Variants in PJA2 observed in about 807,000 individuals in gnomAD.
PJA2 encodes the protein E3 ubiquitin-protein ligase Praja-2.
PJA2 carries 25 observed loss-of-function variants against 69.3 expected under a neutral mutation model. The ratio of observed to expected loss-of-function variants is 0.36; its 90% confidence interval spans 0.26 to 0.50. The LOEUF is 0.50. Among genes scored for constraint, PJA2 ranks in the 20% least tolerant of loss-of-function variants. PJA2 has a pLI of 0.96. For synonymous variants in PJA2, 308 were observed against 277.8 expected (o/e 1.11, Z -1.08); for missense variants, 809 against 830.2 (o/e 0.97, Z 0.31).
chr5:109,362,411 T>G (rs975088533), intron 6 of PJA2, among the ~76,000 whole-genome samples: 4 of 55,202 alleles, frequency 7.2e-5, no homozygotes, highest in African/African-American at 1.6e-4. Flanking sequence ...TTCCATATTT[T>G]ACATAGAGAA....
At chr5:109,406,753 TA>T (rs2127021271) in intron 1 of PJA2, among the ~76,000 whole-genome samples, 1 of 152,354 alleles carries the variant, frequency 6.6e-6, no homozygotes, top group East Asian at 1.9e-4. Context: ...AAATGAAGGC[TA>T]TTTATTAATA....
chr5:109,391,602 A>G (rs1031679371), intron 1 of PJA2, among the ~76,000 whole-genome samples: 1 of 152,070 alleles, frequency 6.6e-6, no homozygotes, highest in Admixed American at 6.6e-5. Context: ...TCAAACACCT[A>G]CCAAGTGAGT....
At chr5:109,353,822 TATG>T (rs1163127621) in intron 7 of PJA2, among the ~76,000 whole-genome samples, 15 of 119,974 alleles carry the variant, frequency 1.3e-4, no homozygotes, top group African/African-American at 2.4e-4. Context: ...ATTAGATGTC[TATG>T]ATATCTAGAG....
chr5:109,353,850 G>A (rs1762334238), intron 7 of PJA2, among the ~76,000 whole-genome samples: 1 of 56,902 alleles, frequency 1.8e-5, no homozygotes, highest in African/African-American at 6.2e-5. Flanking sequence ...CTATAGATTA[G>A]ATGTCTATGA....
At chr5:109,397,240 TCTTTATAAATTA>T (rs1242207742) in intron 1 of PJA2, among the ~76,000 whole-genome samples, 1 of 152,226 alleles carries the variant, frequency 6.6e-6, no homozygotes, top group Non-Finnish European at 1.5e-5. Context: ...AAATTTATTT[TCTTTATAAATTA>T]CCCAGTCTTA....
At chr5:109,382,988 AAAT>A (rs1456449225) in intron 2 of PJA2, among the ~76,000 whole-genome samples, 2 of 152,242 alleles carry the variant, frequency 1.3e-5, no homozygotes, top group African/African-American at 4.8e-5. Flanking sequence ...TATCGAGTAT[AAAT>A]AATATCAAGT....
chr5:109,381,715 G>A lies in PJA2; in HGVS notation c.32-12C>T. ...TTCTTGGTCCATTGCTGAAAAAAAAGTTAAAAAATTAAAACAGGAACAGCA... is the reference window on the plus strand; with the variant it reads ...TTCTTGGTCCATTGCTGAAAAAAAAATTAAAAAATTAAAACAGGAACAGCA... On this transcript the variant is annotated splice_polypyrimidine_tract_variant and intron_variant, in intron 2 of 9. Coordinates refer to ENST00000361189, the MANE Select transcript of PJA2 (RefSeq NM_014819.5). 6.2e-7 allele frequency: 1 copy of A among 1,611,142 alleles called. No individual in the cohort carries two copies. Among genetic ancestry groups the A allele is most frequent in the South Asian group, 1.1e-5 (1 of 90,890 alleles).
chr5:109,395,419 A>T (rs1747384681), intron 1 of PJA2, among the ~76,000 whole-genome samples: 1 of 152,002 alleles, frequency 6.6e-6, no homozygotes, highest in East Asian at 1.9e-4. Context: ...TCCCAGCTAC[A>T]TGCGAGGCTG....
chr5:109,355,912 T>C lies in PJA2; in HGVS notation c.1764+3A>G, dbSNP rs1027134444. The C allele has an allele frequency of 6.2e-6, 10 of 1,601,926 alleles. No individual in the cohort carries two copies. The African/African-American group carries it at 1.2e-4, about 19-fold the overall frequency. On this transcript the variant is annotated splice_donor_region_variant and intron_variant, in intron 7 of 9. Transcript: ENST00000361189. The stretch of plus-strand genomic sequence containing the variant: ...TATATGGAGATCAGAGTTATGAACA[T>C]ACCTCCATAGCCTGGGCTAAGCGTT...
At chr5:109,405,491 A>T (rs566144747) in intron 1 of PJA2, among the ~76,000 whole-genome samples, 1 of 152,234 alleles carries the variant, frequency 6.6e-6, no homozygotes, top group African/African-American at 2.4e-5. Flanking sequence ...TCAAGGATTC[A>T]TATTACCTAA....
chr5:109,352,068 GGA>G (rs778539690), intron 7 of PJA2, among the ~76,000 whole-genome samples: 1 of 152,126 alleles, frequency 6.6e-6, no homozygotes, highest in African/African-American at 2.4e-5. Flanking sequence ...AAGCTTTAGA[GGA>G]GAGAGATGCT....
intron 6 of PJA2, among the ~76,000 whole-genome samples, chr5:109,356,289 C>A (rs997137679): frequency 3.9e-5 from 6 of 152,102 alleles, no homozygotes; most frequent in African/African-American, 1.4e-4. Flanking sequence ...TAGAAAAATT[C>A]TCTTTTGTGT....
intron 5 of PJA2, among the ~76,000 whole-genome samples, chr5:109,365,408 CAT>C (rs1198803185): frequency 6.6e-6 from 1 of 152,110 alleles, no homozygotes; most frequent in Non-Finnish European, 1.5e-5. Context: ...AAGGTGTACA[CAT>C]ATGTCTACAC....
intron 4 of PJA2, among the ~76,000 whole-genome samples, chr5:109,376,718 C>T (rs1033028438): frequency 6.6e-6 from 1 of 151,684 alleles, no homozygotes; most frequent in African/African-American, 2.4e-5. Context: ...AAATAGTAAC[C>T]TAGAGGTATA....
rs751839278 is a variant in PJA2 at position 109,378,347 on chromosome 5, G to A, written c.1140C>T (p.Tyr380=). 6.2e-7 allele frequency: 1 copy of A among 1,614,086 alleles called. No individual in the cohort carries two copies. Among genetic ancestry groups the A allele is most frequent in the East Asian group, 2.2e-5 (1 of 44,878 alleles). Residue 380 remains tyrosine, a synonymous_variant, in exon 4 of 10, where the codon TAC becomes TAT. Transcript: ENST00000361189. ...TTTCCCTTTGTGTAATAACTCTTGA[G>A]TATGGTGGATCCAAGAACATACAGT... ...EHDCMFLDPP[Y]SRVITQRETE...
At chr5:109,353,727 T>G (rs1317971811) in intron 7 of PJA2, among the ~76,000 whole-genome samples, 3 of 147,544 alleles carry the variant, frequency 2.0e-5, no homozygotes, top group Non-Finnish European at 1.5e-5. Context: ...ATTAGATACC[T>G]ATATCTAGAT....
intron 6 of PJA2, among the ~76,000 whole-genome samples, chr5:109,356,389 T>C (rs1207664415): frequency 6.6e-6 from 1 of 152,158 alleles, no homozygotes; most frequent in African/African-American, 2.4e-5. Context: ...CAATGAGTAT[T>C]TCCTTTGTAC....
intron 9 of PJA2, among the ~76,000 whole-genome samples, chr5:109,343,281 A>T (rs1369575950): frequency 1.1e-5 from 1 of 92,166 alleles, no homozygotes; most frequent in East Asian, 2.1e-4. Flanking sequence ...TGCAAAAAAA[A>T]AAAAAAAAAA....
chr5:109,376,256 TAAAAA>T (rs10612724), intron 4 of PJA2, among the ~76,000 whole-genome samples: 1 of 132,592 alleles, frequency 7.5e-6, no homozygotes, highest in African/African-American at 2.7e-5. Context: ...ATATTGTTTG[TAAAAA>T]AAAAAAAAAA....
Sources: allele counts gnomAD v4.1 joint callset (sites outside exome capture counted in the v4.1 genomes callset), GRCh38; gene constraint gnomAD v4.1.1; transcripts MANE v1.5; gene names NCBI Gene and HGNC (gene_info 2026-07-23, HGNC 2026-07-21).